The following ENTHD1 variants were observed in gnomAD, a reference collection of about 807,000 sequenced individuals.
ENTHD1 encodes the protein ENTH domain-containing protein 1.
In ENTHD1, 23 loss-of-function variants were observed where a neutral mutation model predicts 39.1. That is an observed-to-expected ratio of 0.59 (90% CI 0.42 to 0.83). ENTHD1 has a LOEUF of 0.83. ENTHD1 is among the 40% of genes least tolerant of loss of function. The pLI is 0.00. For missense variants in ENTHD1, 624 were observed against 705.4 expected (o/e 0.88, Z 1.31); for synonymous variants, 230 against 258.2 (o/e 0.89, Z 1.05).
chr22:39,772,170 T>C (rs1377741384), intron 5 of ENTHD1, among the ~76,000 whole-genome samples: 1 of 152,164 alleles, frequency 6.6e-6, no homozygotes, highest in Non-Finnish European at 1.5e-5. Flanking sequence ...CCTCAGATCA[T>C]GTGGCATTAG....
intron 6 of ENTHD1, among the ~76,000 whole-genome samples, chr22:39,748,524 C>T (rs1038943875): frequency 6.6e-6 from 1 of 151,918 alleles, no homozygotes; most frequent in African/African-American, 2.4e-5. Flanking sequence ...AGGTTCACAC[C>T]ATTCTTCTGC....
intron 5 of ENTHD1, among the ~76,000 whole-genome samples, chr22:39,802,259 G>T (rs867712925): frequency 1.4e-4 from 22 of 152,208 alleles, no homozygotes; most frequent in Non-Finnish European, 1.6e-4. Flanking sequence ...AATTTTATAT[G>T]ACATGGGAGT....
chr22:39,834,434 G>A (rs1375655490), intron 4 of ENTHD1, among the ~76,000 whole-genome samples: 1 of 152,106 alleles, frequency 6.6e-6, no homozygotes, highest in Admixed American at 6.5e-5. Context: ...ATCACAATGA[G>A]ATATCATTAC....
chr22:39,793,610 A>G (rs917202224), intron 5 of ENTHD1, among the ~76,000 whole-genome samples: 1 of 152,132 alleles, frequency 6.6e-6, no homozygotes, highest in Non-Finnish European at 1.5e-5. Flanking sequence ...TTCTTCAAGT[A>G]GTTTTATAAT....
intron 3 of ENTHD1, among the ~76,000 whole-genome samples, chr22:39,857,443 CAAAAAAA>C (rs71197196): frequency 0.13 from 3,076 of 24,598 alleles, 119 homozygotes; most frequent in African/African-American, 0.27. Context: ...AACTCCGTCT[CAAAAAAA>C]AAAAAAAAAA....
chr22:39,796,161 T>C (rs1302538964), intron 5 of ENTHD1, among the ~76,000 whole-genome samples: 1 of 152,182 alleles, frequency 6.6e-6, no homozygotes, highest in Non-Finnish European at 1.5e-5. Flanking sequence ...TTGTTTGAAG[T>C]CTTTTTACTT....
At chr22:39,749,195 C>T (rs188965401) in intron 6 of ENTHD1, among the ~76,000 whole-genome samples, 1 of 152,336 alleles carries the variant, frequency 6.6e-6, no homozygotes, top group East Asian at 1.9e-4. Context: ...CTCCAGGGTG[C>T]ATCCTCACTG....
At chr22:39,871,047 G>T (rs573441772) in intron 2 of ENTHD1, among the ~76,000 whole-genome samples, 11 of 152,096 alleles carry the variant, frequency 7.2e-5, no homozygotes, top group Admixed American at 2.0e-4. Flanking sequence ...AGCTAGTCAT[G>T]GTGGCAAACA....
chr22:39,852,768 T>C (rs2066053616), intron 3 of ENTHD1, among the ~76,000 whole-genome samples: 1 of 152,248 alleles, frequency 6.6e-6, no homozygotes, highest in African/African-American at 2.4e-5. Flanking sequence ...TATAATCTTA[T>C]GGGACCAGTA....
chr22:39,891,445 A>C lies in ENTHD1; in HGVS notation c.-156+2250T>G, dbSNP rs542224904. 4.0e-5 allele frequency among the ~76,000 whole-genome samples: 6 copies of C among 151,750 alleles called. No individual in the cohort carries two copies. In the East Asian group the frequency reaches 1.2e-3, roughly 29 times the overall value. On this transcript the variant is annotated intron_variant, in intron 1 of 6. Transcript: ENST00000325157. ...TGATTCTGCCTTGGGATAAACCTGC[A>C]CTGATTCTATAGCTTTATAATTATA...
intron 5 of ENTHD1, among the ~76,000 whole-genome samples, chr22:39,779,970 T>G (rs926321722): frequency 1.2e-4 from 18 of 152,174 alleles, no homozygotes; most frequent in African/African-American, 4.3e-4. Flanking sequence ...AGCAATGAAT[T>G]AATACATACT....
chr22:39,879,462 CAAA>C (rs34372930), intron 2 of ENTHD1, among the ~76,000 whole-genome samples: 1 of 16,450 alleles, frequency 6.1e-5, no homozygotes, highest in Non-Finnish European at 1.1e-4. Flanking sequence ...GACTCTGTCT[CAAA>C]AAAAAAAAAA....
At chr22:39,765,046 C>A (rs2065263603) in intron 6 of ENTHD1, among the ~76,000 whole-genome samples, 177 bp downstream of exon 6, 1 of 152,024 alleles carries the variant, frequency 6.6e-6, no homozygotes, top group African/African-American at 2.4e-5. Context: ...AAAAGGGGGA[C>A]TTTCCCAACT....
intron 2 of ENTHD1, among the ~76,000 whole-genome samples, chr22:39,875,106 G>C (rs1334847432): frequency 6.6e-6 from 1 of 152,052 alleles, no homozygotes; most frequent in Non-Finnish European, 1.5e-5. Context: ...GATAAACTGT[G>C]GTATGCACAT....
intron 5 of ENTHD1, among the ~76,000 whole-genome samples, chr22:39,814,694 A>T (rs926218231): frequency 6.6e-6 from 1 of 152,238 alleles, no homozygotes; most frequent in Admixed American, 6.5e-5. Context: ...ATTCTGGGAC[A>T]GCTGGCTATC....
rs1433203317 is a variant in ENTHD1 at position 39,743,070 on chromosome 22, A to G, written c.*609T>C. On this transcript the variant is annotated 3_prime_UTR_variant, in exon 7 of 7. Coordinates refer to ENST00000325157, the MANE Select transcript of ENTHD1 (RefSeq NM_152512.4). Reference sequence around the variant, plus strand: ...GAAAAATATCAAATTTATTTTCTGAAGTAGAATAAAAGGATGCATTTGAAT... The same window carrying G: ...GAAAAATATCAAATTTATTTTCTGAGGTAGAATAAAAGGATGCATTTGAAT... The G allele has an allele frequency of 6.6e-6, 1 of 152,264 alleles. No homozygotes were observed. Among genetic ancestry groups the G allele is most frequent in the Non-Finnish European group, 1.5e-5 (1 of 68,054 alleles). 9.4% of individuals were successfully genotyped at this position (152,264 alleles called of 1,614,324 possible).
chr22:39,743,621 C>A lies in ENTHD1; in HGVS notation c.*58G>T. 1 of 1,511,892 alleles carries A rather than the reference C, an allele frequency of 6.6e-7. No homozygotes were observed. Among genetic ancestry groups the A allele is most frequent in the Non-Finnish European group, 8.8e-7 (1 of 1,132,948 alleles). The allele number at this position is 1,511,892 out of a possible 1,614,324, so 93.7% of individuals were successfully genotyped here. ...ATAATATGAATTTATACAATGCTAACGTAAGTCTTGGGGAAGTGGAACCAC... is the reference window on the plus strand; with the variant it reads ...ATAATATGAATTTATACAATGCTAAAGTAAGTCTTGGGGAAGTGGAACCAC... On this transcript the variant is annotated 3_prime_UTR_variant, in exon 7 of 7. Coordinates refer to ENST00000325157, the MANE Select transcript of ENTHD1 (RefSeq NM_152512.4).
At chr22:39,753,676 G>A (rs1414058142) in intron 6 of ENTHD1, among the ~76,000 whole-genome samples, 1 of 152,088 alleles carries the variant, frequency 6.6e-6, no homozygotes, top group Non-Finnish European at 1.5e-5. Flanking sequence ...CCATCACCCT[G>A]AGTGACGCCA....
chr22:39,863,738 TGAATTAA>T, intron 2 of ENTHD1, among the ~76,000 whole-genome samples: 1 of 152,204 alleles, frequency 6.6e-6, no homozygotes, highest in Admixed American at 6.5e-5. Context: ...CTAGGTGTGA[TGAATTAA>T]AGTATTAATG....
Sources: gnomAD v4.1 joint callset for allele counts (sites outside exome capture counted in the v4.1 genomes callset) on GRCh38, gnomAD v4.1.1 for gene constraint, MANE v1.5 for transcripts, NCBI Gene and HGNC (gene_info 2026-07-23, HGNC 2026-07-21) for gene names.